The following ZNF618 variants were observed in gnomAD, a reference collection of about 807,000 sequenced individuals.
ZNF618 encodes the protein neural precursor cell expressed, developmentally down-regulated 10.
ZNF618 carries 34 observed loss-of-function variants against 103.0 expected under a neutral mutation model. The observed-to-expected ratio is 0.33, with a 90% confidence interval of 0.25 to 0.44. The LOEUF is 0.44. Ranked by LOEUF, ZNF618 falls within the 20% of genes least tolerant of loss-of-function variation. The pLI, the probability that ZNF618 is intolerant of heterozygous loss-of-function variation, is 1.00. For missense variants in ZNF618, 1,059 were observed against 1,295.4 expected, an observed-to-expected ratio of 0.82 and a Z score of 2.80; for synonymous variants, 551 against 542.2, an observed-to-expected ratio of 1.02 and a Z score of -0.23.
At chr9:113,994,501 G>A (rs1840372726) in intron 3 of ZNF618, among the ~76,000 whole-genome samples, 1 of 152,210 alleles carries the variant, frequency 6.6e-6, no homozygotes, top group Non-Finnish European at 1.5e-5. Flanking sequence ...TGTTAGAAAG[G>A]GCCCTTGGGC....
chr9:113,917,498 C>G (rs937427825), intron 1 of ZNF618, among the ~76,000 whole-genome samples: 1 of 151,820 alleles, frequency 6.6e-6, no homozygotes, highest in African/African-American at 2.4e-5. Flanking sequence ...AAGCAATCCA[C>G]CTGTCCCGGC....
intron 1 of ZNF618, among the ~76,000 whole-genome samples, chr9:113,949,788 G>A (rs189558532): frequency 1.3e-5 from 2 of 152,352 alleles, no homozygotes; most frequent in Admixed American, 6.5e-5. Flanking sequence ...AAATCTGAGG[G>A]CCTTTCTAGG....
In ZNF618 at chr9:114,036,259, C is replaced by T. The variant is rs749147880; in HGVS notation, c.1169-41C>T. The T allele has an allele frequency of 9.7e-6, 15 of 1,544,322 alleles. No homozygotes were observed. In the Admixed American group the frequency reaches 1.8e-4, roughly 18 times the overall value. ...GCAGCCCAGCAGAAGGTGTCTGCGT[C>T]GGTTCCACCCCTCACGTGGCTGCCG... On this transcript the variant is annotated intron_variant, in intron 12 of 14. Transcript: ENST00000374126.
At chr9:113,977,107 C>G (rs1243526266) in intron 2 of ZNF618, among the ~76,000 whole-genome samples, 2 of 152,160 alleles carry the variant, frequency 1.3e-5, no homozygotes, top group South Asian at 2.1e-4. Flanking sequence ...GGTTGGTTGT[C>G]ACGCCCCTAG....
intron 1 of ZNF618, among the ~76,000 whole-genome samples, chr9:113,900,880 C>G (rs35446033): frequency 9.7e-5 from 7 of 72,354 alleles, no homozygotes; most frequent in African/African-American, 3.5e-4. Context: ...GCAAACCCGA[C>G]CTCCTGTCTC....
chr9:113,994,010 C>G (rs1284239688), intron 3 of ZNF618, among the ~76,000 whole-genome samples: 1 of 152,166 alleles, frequency 6.6e-6, no homozygotes, highest in African/African-American at 2.4e-5. Flanking sequence ...GGGAGGGTCA[C>G]TGGACAAAGT....
chr9:113,986,736 T>A, intron 2 of ZNF618, among the ~76,000 whole-genome samples: 1 of 152,126 alleles, frequency 6.6e-6, no homozygotes, highest in Non-Finnish European at 1.5e-5. Flanking sequence ...CATAGTTCAG[T>A]CCATAGCACC....
At chr9:114,040,641 C>T (rs1440767424) in intron 13 of ZNF618, among the ~76,000 whole-genome samples, 4 of 152,178 alleles carry the variant, frequency 2.6e-5, no homozygotes, top group Admixed American at 6.5e-5. Context: ...TCATCCATGT[C>T]CCTACAAAGG....
intron 1 of ZNF618, among the ~76,000 whole-genome samples, chr9:113,905,171 C>T (rs1211325462): frequency 6.6e-5 from 10 of 152,054 alleles, no homozygotes; most frequent in South Asian, 4.1e-4. Flanking sequence ...CTGGTTCAAG[C>T]GATTCTTGTG....
At chr9:113,923,171 T>A (rs886175965) in intron 1 of ZNF618, among the ~76,000 whole-genome samples, 2 of 152,230 alleles carry the variant, frequency 1.3e-5, no homozygotes, top group African/African-American at 2.4e-5. Context: ...ACTTATTAGT[T>A]CCAGTTTTTA....
intron 11 of ZNF618, among the ~76,000 whole-genome samples, chr9:114,029,436 G>C (rs1244319689): frequency 1.3e-5 from 2 of 152,130 alleles, no homozygotes; most frequent in Admixed American, 1.3e-4. Context: ...TCCTTGAGTA[G>C]AGTGTGTGCT....
intron 1 of ZNF618, among the ~76,000 whole-genome samples, chr9:113,909,132 C>T (rs939363389): frequency 6.6e-6 from 1 of 152,026 alleles, no homozygotes; most frequent in African/African-American, 2.4e-5. Flanking sequence ...GACACTCTCT[C>T]TCTCTCTGAG....
intron 1 of ZNF618, among the ~76,000 whole-genome samples, chr9:113,945,090 C>T (rs1834895250): frequency 6.6e-6 from 1 of 152,164 alleles, no homozygotes; most frequent in Non-Finnish European, 1.5e-5. Context: ...CCAGCCCCAT[C>T]CCCTGTCTCC....
At chr9:113,951,755 C>G (rs1007265077) in intron 1 of ZNF618, among the ~76,000 whole-genome samples, 69 of 151,824 alleles carry the variant, frequency 4.5e-4, no homozygotes, top group African/African-American at 1.6e-3. Flanking sequence ...AGTCGTGTCC[C>G]AAACCTTGAC....
At chr9:114,000,768 ACT>A (rs1427324427) in intron 4 of ZNF618, among the ~76,000 whole-genome samples, 5 of 152,034 alleles carry the variant, frequency 3.3e-5, no homozygotes, top group Non-Finnish European at 7.4e-5. Flanking sequence ...TGCTGGGAAC[ACT>A]CTTCATGCAA....
chr9:113,931,121 T>C (rs1294410712), intron 1 of ZNF618, among the ~76,000 whole-genome samples: 3 of 152,190 alleles, frequency 2.0e-5, no homozygotes, highest in Admixed American at 6.5e-5. Flanking sequence ...CTGGATGGTA[T>C]GTTGAGTAAG....
intron 1 of ZNF618, among the ~76,000 whole-genome samples, chr9:113,894,358 A>G (rs920931745): frequency 1.3e-5 from 2 of 152,194 alleles, no homozygotes; most frequent in African/African-American, 4.8e-5. Context: ...ATAGGTGCCA[A>G]GGTGCTGAAT....
chr9:114,042,967 TTA>T (rs758391300), intron 13 of ZNF618, among the ~76,000 whole-genome samples: 25 of 152,366 alleles, frequency 1.6e-4, no homozygotes, highest in Non-Finnish European at 3.4e-4. Flanking sequence ...GTGGATTTTA[TTA>T]TATATGGAGT....
chr9:114,028,577 TG>T, intron 10 of ZNF618, 155 bp from the exon 11 acceptor site: 1 of 1,165,668 alleles, frequency 8.6e-7, no homozygotes, highest in Non-Finnish European at 1.2e-6. Context: ...GGACTTTCTC[TG>T]GCTCTGAGTT....
Sources: gnomAD v4.1 joint callset for allele counts (sites outside exome capture counted in the v4.1 genomes callset) on GRCh38, gnomAD v4.1.1 for gene constraint, MANE v1.5 for transcripts, NCBI Gene and HGNC (gene_info 2026-07-23, HGNC 2026-07-21) for gene names.